The following ADAMTS17 variants were observed in gnomAD, a reference collection of about 807,000 sequenced individuals.
ADAMTS17 encodes ADAM metallopeptidase with thrombospondin type 1 motif 17.
ADAMTS17 carries 113 observed loss-of-function variants against 141.5 expected under a neutral mutation model. That is an observed-to-expected ratio of 0.80 (90% CI 0.69 to 0.93). The LOEUF is 0.93. ADAMTS17 is among the 40% of genes least tolerant of loss of function. The pLI is 0.00. For synonymous variants in ADAMTS17, 768 were observed against 630.6 expected, an observed-to-expected ratio of 1.22 and a Z score of -3.27; for missense variants, 1,659 against 1,517.9, an observed-to-expected ratio of 1.09 and a Z score of -1.54.
At chr15:100,143,930 CAG>C in intron 10 of ADAMTS17, among the ~76,000 whole-genome samples, 1 of 152,296 alleles carries the variant, frequency 6.6e-6, no homozygotes, top group East Asian at 1.9e-4. Flanking sequence ...GAAGAACATA[CAG>C]AGAGGACCAG....
chr15:100,126,319 ATGT>A (rs1263456302), intron 12 of ADAMTS17: 3 of 152,272 alleles, frequency 2.0e-5, no homozygotes, highest in Non-Finnish European at 4.4e-5. Flanking sequence ...AAAAAGGAGC[ATGT>A]TGTTTTCATT....
At chr15:100,205,255 C>T (rs150705601) in intron 7 of ADAMTS17, among the ~76,000 whole-genome samples, 3 of 152,234 alleles carry the variant, frequency 2.0e-5, no homozygotes, top group African/African-American at 7.2e-5. Context: ...TACAAGATAA[C>T]ATTTTCATGT....
intron 18 of ADAMTS17, among the ~76,000 whole-genome samples, chr15:100,029,985 G>T (rs948552019): frequency 6.6e-6 from 1 of 152,138 alleles, no homozygotes; most frequent in African/African-American, 2.4e-5. Context: ...AGTCTCCTGG[G>T]GATTTCAGCA....
intron 4 of ADAMTS17, 91 bp from the exon 5 acceptor site, chr15:100,262,526 A>G: frequency 1.1e-6 from 1 of 920,444 alleles, no homozygotes; most frequent in Non-Finnish European, 1.7e-6. Flanking sequence ...GACACAGAAA[A>G]GAGATTATGT....
At chr15:100,249,615 C>T (rs2043091460) in intron 7 of ADAMTS17, among the ~76,000 whole-genome samples, 1 of 152,170 alleles carries the variant, frequency 6.6e-6, no homozygotes, top group Non-Finnish European at 1.5e-5. Context: ...TTCCAGAGCT[C>T]CCCCAGGTGC....
rs1279511838 is a variant in ADAMTS17 at position 100,048,960 on chromosome 15, T to A, written c.2488A>T (p.Ile830Phe). ...ACCAGAGTTGTGGTCTTGTTGACAA[T>A]CCGTGTACACGAGACGATGGTTCTG... ...ERRTIVSCTR[I>F]VNKTTTLVND... Residue 830 changes from isoleucine to phenylalanine, a missense_variant, in exon 18 of 22, where the codon ATT becomes TTT. By Grantham distance (21) the Ile-to-Phe change is conservative. Coordinates refer to ENST00000268070, the MANE Select transcript of ADAMTS17 (RefSeq NM_139057.4). 1 of 1,613,982 alleles carries A rather than the reference T, an allele frequency of 6.2e-7. No individual in the cohort carries two copies. Among genetic ancestry groups the A allele is most frequent in the African/African-American group, 1.3e-5 (1 of 74,892 alleles).
At chr15:100,228,023 G>C (rs570331311) in intron 7 of ADAMTS17, among the ~76,000 whole-genome samples, 1 of 152,134 alleles carries the variant, frequency 6.6e-6, no homozygotes, top group Non-Finnish European at 1.5e-5. Context: ...TAAAATCCAC[G>C]ACGCTTTGTG....
chr15:100,068,580 C>T (rs1245371773), intron 15 of ADAMTS17, among the ~76,000 whole-genome samples: 1 of 152,232 alleles, frequency 6.6e-6, no homozygotes, highest in Admixed American at 6.5e-5. Flanking sequence ...CAGGCAGCAA[C>T]ATCTGCTGTT....
intron 3 of ADAMTS17, among the ~76,000 whole-genome samples, chr15:100,283,059 G>A (rs2044335812): frequency 7.1e-6 from 1 of 141,222 alleles, no homozygotes; most frequent in African/African-American, 3.0e-5. Flanking sequence ...GTATTTTAAA[G>A]AAATATCATT....
intron 15 of ADAMTS17, among the ~76,000 whole-genome samples, chr15:100,059,232 C>T (rs1351095687): frequency 6.6e-6 from 1 of 152,234 alleles, no homozygotes; most frequent in Non-Finnish European, 1.5e-5. Context: ...GGGGTCAGCT[C>T]TCACAGCCCC....
intron 18 of ADAMTS17, among the ~76,000 whole-genome samples, chr15:100,025,079 C>T (rs1024622300): frequency 7.9e-5 from 12 of 152,148 alleles, no homozygotes; most frequent in Admixed American, 2.6e-4. Context: ...TCTCCTATAG[C>T]CAATACATTT....
chr15:100,107,058 T>C (rs2036454791), intron 14 of ADAMTS17, among the ~76,000 whole-genome samples: 1 of 152,188 alleles, frequency 6.6e-6, no homozygotes, highest in Non-Finnish European at 1.5e-5. Flanking sequence ...GTCTGGGTCT[T>C]GTCAAGCTTT....
chr15:100,281,896 G>C (rs928289631), intron 3 of ADAMTS17, among the ~76,000 whole-genome samples: 1 of 152,110 alleles, frequency 6.6e-6, no homozygotes, highest in African/African-American at 2.4e-5. Flanking sequence ...AATGTTGGTA[G>C]ACATAAAAAC....
intron 3 of ADAMTS17, among the ~76,000 whole-genome samples, chr15:100,282,862 A>T (rs1441306907): frequency 6.6e-6 from 1 of 152,230 alleles, no homozygotes; most frequent in East Asian, 1.9e-4. Flanking sequence ...AGAGAAGCCG[A>T]TATAAATCTG....
In ADAMTS17 at chr15:100,132,017, C is replaced by G. The variant is rs765513354; in HGVS notation, c.1711G>C (p.Asp571His). 2.0e-5 allele frequency: 32 copies of G among 1,614,226 alleles called. No individual in the cohort carries two copies. The highest frequency in any genetic ancestry group is 2.6e-5 in the Non-Finnish European group (31 of 1,180,050). ...GGTCAGGGGACTTACGGGGGGTTGT[C>G]ACATTTCCTCTGCCTGAAGCGGGCT... ...TGARFRQRKC[D>H]NPPPGPGGTH... The change falls in exon 12 of 22, where the codon GAC (aspartate) becomes CAC (histidine). Residue 571 changes from aspartate to histidine, a missense_variant. Transcript: ENST00000268070.
intron 10 of ADAMTS17, among the ~76,000 whole-genome samples, chr15:100,139,031 G>T (rs969406964): frequency 6.6e-6 from 1 of 152,152 alleles, no homozygotes; most frequent in Non-Finnish European, 1.5e-5. Context: ...TTTGCAAATT[G>T]ATTGGTTATA....
At chr15:100,081,930 G>A (rs1024296919) in intron 15 of ADAMTS17, among the ~76,000 whole-genome samples, 18 of 152,116 alleles carry the variant, frequency 1.2e-4, no homozygotes, top group African/African-American at 4.3e-4. Flanking sequence ...TTATGATGCA[G>A]TAGTTTAAAA....
intron 15 of ADAMTS17, among the ~76,000 whole-genome samples, chr15:100,070,930 T>A (rs1347216930): frequency 1.3e-5 from 2 of 150,056 alleles, no homozygotes; most frequent in African/African-American, 4.9e-5. Context: ...CAAAAAACCC[T>A]TCAAAAAATC....
chr15:100,281,458 G>C (rs2044280727), intron 3 of ADAMTS17, 57 bp from the exon 4 acceptor site: 1 of 1,568,796 alleles, frequency 6.4e-7, no homozygotes, highest in Admixed American at 1.9e-5. Context: ...CCAAAACCAT[G>C]CAGTGAACAG....
Sources: allele counts gnomAD v4.1 joint callset (sites outside exome capture counted in the v4.1 genomes callset), GRCh38; gene constraint gnomAD v4.1.1; transcripts MANE v1.5; gene names NCBI Gene and HGNC (gene_info 2026-07-23, HGNC 2026-07-21).